MCPH1: variants seen among roughly 807,000 people sequenced by gnomAD.
MCPH1 encodes microcephalin 1, also known as microcephalin.
Under a neutral mutation model 84.5 loss-of-function variants are expected in MCPH1, and 104 were observed. That is an observed-to-expected ratio of 1.23 (90% CI 1.05 to 1.45). The LOEUF is 1.45. Among genes scored for constraint, MCPH1 ranks in the 40% most tolerant of loss-of-function variants. The pLI is 0.00. For synonymous variants in MCPH1, 514 were observed against 366.8 expected (o/e 1.40, Z -4.58); for missense variants, 1,498 against 1,005.7 (o/e 1.49, Z -6.62).
intron 12 of MCPH1, among the ~76,000 whole-genome samples, chr8:6,546,894 A>G (rs1249254052): frequency 9.9e-5 from 15 of 152,104 alleles, no homozygotes; most frequent in Admixed American, 9.2e-4. Context: ...ATTAAGATGT[A>G]CCCTTCCGTG....
chr8:6,407,224 G>C (rs1797860637), intron 1 of MCPH1: 1 of 169,362 alleles, frequency 5.9e-6, no homozygotes, highest in African/African-American at 2.4e-5. Context: ...AGCGGCAGTT[G>C]AGTTTCTATG....
rs982814378 is a variant in MCPH1, at chr8:6,462,483, G to A, written c.1935+7231G>A. ...CTCTTAACCATCACTCAGTAATGAT[G>A]GAATCATCATCATGTACTTCACTTA... On this transcript the variant is annotated intron_variant, in intron 9 of 13. Transcript: ENST00000344683. Among the ~76,000 whole-genome samples, 2 of 152,148 alleles carry A rather than the reference G, an allele frequency of 1.3e-5. 1 individual carries two copies. The highest frequency in any genetic ancestry group is 4.8e-5 in the African/African-American group (2 of 41,428).
intron 12 of MCPH1, among the ~76,000 whole-genome samples, chr8:6,571,499 A>T (rs1285438139): frequency 6.6e-6 from 1 of 152,206 alleles, no homozygotes; most frequent in Non-Finnish European, 1.5e-5. Context: ...CCTAATAAAG[A>T]TCTAAATTTC....
At chr8:6,551,833 C>G (rs921916926) in intron 12 of MCPH1, among the ~76,000 whole-genome samples, 1 of 152,150 alleles carries the variant, frequency 6.6e-6, no homozygotes, top group African/African-American at 2.4e-5. Flanking sequence ...CAATAACGTA[C>G]TTTCTCGAGC....
intron 13 of MCPH1, among the ~76,000 whole-genome samples, chr8:6,634,483 G>A (rs145909786): frequency 4.2e-5 from 6 of 141,478 alleles, no homozygotes; most frequent in African/African-American, 9.8e-5. Context: ...GGATGCCAAG[G>A]ACAGAATGAC....
intron 12 of MCPH1, chr8:6,527,431 G>C: frequency 8.4e-7 from 1 of 1,189,896 alleles, no homozygotes; most frequent in Non-Finnish European, 1.2e-6. Flanking sequence ...TCCCTCATGA[G>C]GTTTCTGACC....
intron 12 of MCPH1, among the ~76,000 whole-genome samples, chr8:6,543,152 G>T (rs1421999248): frequency 6.6e-6 from 1 of 151,450 alleles, no homozygotes; most frequent in Non-Finnish European, 1.5e-5. Flanking sequence ...CTTTCTGCTA[G>T]CACCCAAAAA....
At position 6,445,693 on chromosome 8, in the gene MCPH1, A is replaced by G. The variant is rs539167298; in HGVS notation, c.1825+146A>G. On this transcript the variant is annotated intron_variant, in intron 8 of 13. Transcript: ENST00000344683. ...AAAGAATGTGCATTTGATCATTCCA[A>G]TGATAAACTCTTTAGGAATAGATGA... 5.6e-6 allele frequency: 8 copies of G among 1,434,404 alleles called. No homozygotes were observed. In the African/African-American group the frequency reaches 5.7e-5, roughly 10 times the overall value. The allele number at this position is 1,434,404 out of a possible 1,614,324, so 88.9% of individuals were successfully genotyped here. A position where few individuals can be genotyped will look rare whatever the true frequency, so the allele number is the denominator to read the frequency against.
At chr8:6,435,657 C>A (rs956188216) in intron 4 of MCPH1, among the ~76,000 whole-genome samples, 5 of 152,156 alleles carry the variant, frequency 3.3e-5, no homozygotes, top group African/African-American at 1.2e-4. Flanking sequence ...AGTGACGTAA[C>A]TTGCAACTTC....
chr8:6,601,716 C>A (rs796687552), intron 12 of MCPH1, among the ~76,000 whole-genome samples: 1 of 147,894 alleles, frequency 6.8e-6, no homozygotes, highest in African/African-American at 2.6e-5. Flanking sequence ...ACACACCACA[C>A]ACACACACCC....
intron 9 of MCPH1, among the ~76,000 whole-genome samples, chr8:6,468,431 G>T (rs538973246): frequency 6.6e-6 from 1 of 152,272 alleles, no homozygotes; most frequent in East Asian, 1.9e-4. Flanking sequence ...TCTTGGAGAG[G>T]AGAAAGGATG....
At position 6,439,008 on chromosome 8, in the gene MCPH1, C is replaced by G. The variant is rs1803084925; in HGVS notation, c.492C>G (p.Pro164=). ...CTAATGGTTCATTAATATATACTCC[C>G]ACAATTGAAATTAATAGTAGGCACC... ...FESNGSLIYT[P]TIEINSRHHS... Residue 164 remains proline (P), a synonymous_variant, in exon 6 of 14, where the codon CCC becomes CCG. Transcript: ENST00000344683. 1 of 1,609,296 alleles carries G rather than the reference C, an allele frequency of 6.2e-7. No individual in the cohort carries two copies. Among genetic ancestry groups the G allele is most frequent in the African/African-American group, 1.3e-5 (1 of 74,774 alleles).
intron 12 of MCPH1, among the ~76,000 whole-genome samples, chr8:6,541,235 G>A (rs1821504014): frequency 6.6e-6 from 1 of 152,200 alleles, no homozygotes; most frequent in Admixed American, 6.5e-5. Context: ...AGCAGGGGAT[G>A]CTTTGAGGCC....
At chr8:6,514,722 C>A in intron 12 of MCPH1, 2 of 1,614,102 alleles carry the variant, frequency 1.2e-6, no homozygotes, top group Non-Finnish European at 1.7e-6. Context: ...CGCTGCCATC[C>A]TCACGTCGCT....
chr8:6,480,040 A>G (rs1808983994), intron 10 of MCPH1, among the ~76,000 whole-genome samples: 1 of 152,140 alleles, frequency 6.6e-6, no homozygotes, highest in Non-Finnish European at 1.5e-5. Context: ...AGGTTCAAAT[A>G]GGCCTGAAAA....
At chr8:6,569,949 C>T (rs1487012444) in intron 12 of MCPH1, among the ~76,000 whole-genome samples, 3 of 152,186 alleles carry the variant, frequency 2.0e-5, no homozygotes, top group East Asian at 1.9e-4. Flanking sequence ...GCATCTGAGC[C>T]GGGACCATCC....
chr8:6,416,438 C>G (rs758014628), intron 3 of MCPH1, among the ~76,000 whole-genome samples: 17 of 152,252 alleles, frequency 1.1e-4, no homozygotes, highest in Non-Finnish European at 1.9e-4. Flanking sequence ...ATGATGGTAA[C>G]TGTGGTTTGT....
At chr8:6,612,585 A>T (rs1348585974) in intron 12 of MCPH1, among the ~76,000 whole-genome samples, 1 of 151,984 alleles carries the variant, frequency 6.6e-6, no homozygotes, top group Non-Finnish European at 1.5e-5. Context: ...CCTGACCCCC[A>T]CTGCGTCCGG....
intron 12 of MCPH1, among the ~76,000 whole-genome samples, chr8:6,519,021 G>T (rs1816816711): frequency 6.6e-6 from 1 of 152,142 alleles, no homozygotes; most frequent in South Asian, 2.1e-4. Context: ...CTGTGTTGTG[G>T]CTTTGCCTGC....
Sources: allele counts gnomAD v4.1 joint callset (sites outside exome capture counted in the v4.1 genomes callset), GRCh38; gene constraint gnomAD v4.1.1; transcripts MANE v1.5; gene names NCBI Gene and HGNC (gene_info 2026-07-23, HGNC 2026-07-21).